The following PDXDC1 variants were observed in gnomAD, a reference collection of about 807,000 sequenced individuals.
PDXDC1 encodes pyridoxal dependent decarboxylase domain containing 1.
PDXDC1 carries 42 observed loss-of-function variants against 100.1 expected under a neutral mutation model. The ratio of observed to expected loss-of-function variants is 0.42; its 90% CI spans 0.33 to 0.54. The LOEUF (loss-of-function observed/expected upper bound fraction) is 0.54, where lower values mean the gene tolerates loss of function less well. Among genes scored for constraint, PDXDC1 ranks in the 20% least tolerant of loss-of-function variants. The pLI is 0.10. For missense variants in PDXDC1, 636 were observed against 979.2 expected, an observed-to-expected ratio of 0.65 and a Z score of 4.68; for synonymous variants, 260 against 371.7, an observed-to-expected ratio of 0.70 and a Z score of 3.46.
At chr16:15,018,451 G>A (rs533830836) in intron 11 of PDXDC1, among the ~76,000 whole-genome samples, 3 of 152,388 alleles carry the variant, frequency 2.0e-5, no homozygotes, top group East Asian at 1.9e-4. Context: ...TGATAATATA[G>A]GTCAGCGTGC....
chr16:14,986,730 T>C (rs1291462371), intron 1 of PDXDC1, among the ~76,000 whole-genome samples: 2 of 152,298 alleles, frequency 1.3e-5, no homozygotes, highest in African/African-American at 4.8e-5. Context: ...TGTAAATGCT[T>C]TGTTGCACTT....
At chr16:15,023,933 A>C (rs1174399498) in intron 13 of PDXDC1, among the ~76,000 whole-genome samples, 2 of 152,288 alleles carry the variant, frequency 1.3e-5, no homozygotes, top group Non-Finnish European at 2.9e-5. Flanking sequence ...CTCTGATTGC[A>C]AACAGAGAAG....
intron 12 of PDXDC1, among the ~76,000 whole-genome samples, 171 bp downstream of exon 12, chr16:15,019,136 A>G (rs1184986952): frequency 6.6e-6 from 1 of 152,280 alleles, no homozygotes; most frequent in Non-Finnish European, 1.5e-5. Context: ...GTTCTGGGAG[A>G]AAGTGCTGGG....
intron 1 of PDXDC1, among the ~76,000 whole-genome samples, chr16:14,979,047 AT>A (rs1967351687): frequency 6.6e-6 from 1 of 152,300 alleles, no homozygotes; most frequent in South Asian, 2.1e-4. Flanking sequence ...ATTGCCTGTC[AT>A]TGAAAGTCCC....
chr16:15,111,065 T>C (rs1357747595), intron 16 of PDXDC1, among the ~76,000 whole-genome samples: 2 of 145,360 alleles, frequency 1.4e-5, no homozygotes, highest in Non-Finnish European at 3.0e-5. Flanking sequence ...GAGGCGGAGG[T>C]TGCAGTGAGC....
intron 16 of PDXDC1, among the ~76,000 whole-genome samples, chr16:15,114,968 C>G (rs1023952124): frequency 7.0e-6 from 1 of 142,206 alleles, no homozygotes; most frequent in African/African-American, 2.6e-5. Context: ...TTCTGCTCCA[C>G]TCAGTCGCCC....
chr16:15,003,207 G>T lies in PDXDC1; in HGVS notation c.243-980G>T, dbSNP rs1402147852. 2.0e-5 allele frequency among the ~76,000 whole-genome samples: 3 copies of T among 149,754 alleles called. No individual in the cohort carries two copies. In the South Asian group the frequency reaches 6.4e-4, roughly 32 times the overall value. ...ATTCTTATTTGATGCATAGACCTGAGATTTAATTCTTTTTTTTTTTTTTTT... is the reference window on the plus strand; with the variant it reads ...ATTCTTATTTGATGCATAGACCTGATATTTAATTCTTTTTTTTTTTTTTTT... On this transcript the variant is annotated intron_variant, in intron 4 of 22. Transcript: ENST00000396410.
intron 13 of PDXDC1, among the ~76,000 whole-genome samples, chr16:15,024,894 T>C (rs2042473298): frequency 6.6e-6 from 1 of 152,312 alleles, no homozygotes; most frequent in Non-Finnish European, 1.5e-5. Context: ...TGTTTGTTTT[T>C]TCCTATAGAA....
intron 8 of PDXDC1, among the ~76,000 whole-genome samples, chr16:15,013,539 A>G (rs2041520513): frequency 6.6e-6 from 1 of 152,356 alleles, no homozygotes; most frequent in East Asian, 1.9e-4. Context: ...GTCAAAACTC[A>G]TTGGACCGTA....
chr16:14,990,682 C>T (rs895312639), intron 1 of PDXDC1, among the ~76,000 whole-genome samples: 1 of 152,282 alleles, frequency 6.6e-6, no homozygotes, highest in African/African-American at 2.4e-5. Flanking sequence ...ATCAGTGCTG[C>T]TTTTCCTACC....
At chr16:14,999,942 G>A (rs956535815) in intron 3 of PDXDC1, among the ~76,000 whole-genome samples, 1 of 152,208 alleles carries the variant, frequency 6.6e-6, no homozygotes, top group African/African-American at 2.4e-5. Flanking sequence ...AATATAAATT[G>A]AACCAGGTTG....
chr16:15,055,030 T>C (rs1429191662), intron 16 of PDXDC1, among the ~76,000 whole-genome samples: 2 of 152,140 alleles, frequency 1.3e-5, no homozygotes, highest in African/African-American at 2.4e-5. Flanking sequence ...TTCTCCCTTC[T>C]AGACTATAAA....
chr16:15,019,436 T>C (rs2042016920), intron 12 of PDXDC1, among the ~76,000 whole-genome samples: 1 of 152,298 alleles, frequency 6.6e-6, no homozygotes, highest in South Asian at 2.1e-4. Context: ...TTAGGTGTGT[T>C]CTAATTGTGA....
In PDXDC1 at chr16:15,133,584, C is replaced by T. The variant is rs1176499868; in HGVS notation, c.1400-5295C>T. 2.0e-5 allele frequency: 22 copies of T among 1,103,066 alleles called. No homozygotes were observed. In the Middle Eastern group the frequency reaches 8.5e-4, roughly 43 times the overall value. The allele number at this position is 1,103,066 out of a possible 1,614,324, so 68.3% of individuals were successfully genotyped here. ...GGCCTGAAACCCGGGGGCAGCACGG[C>T]TCCGTAGCCGGAGAGGCTGCCCTTG... On this transcript the variant is annotated intron_variant, in intron 16 of 16. Coordinates refer to the PDXDC1 transcript ENST00000535621.
the PDXDC1 span, among the ~76,000 whole-genome samples, chr16:15,145,851 C>A: frequency 6.2e-4 from 94 of 152,250 alleles, no homozygotes; most frequent in Middle Eastern, 3.2e-3. Flanking sequence ...GCCCAGACGG[C>A]AGCGGGCTGT....
intron 16 of PDXDC1, chr16:15,061,930 G>A (rs373928366): frequency 2.8e-5 from 44 of 1,596,942 alleles, no homozygotes; most frequent in Non-Finnish European, 3.5e-5. Flanking sequence ...GAAATCATCA[G>A]TAACATCACC....
At chr16:15,136,086 C>G in intron 16 of PDXDC1, 2 of 1,582,700 alleles carry the variant, frequency 1.3e-6, no homozygotes, top group Non-Finnish European at 1.7e-6. Flanking sequence ...CTGGGCCCAC[C>G]TCCACCCGCT....
At chr16:15,132,581 GA>G (rs1173276347) in intron 16 of PDXDC1, 1 of 694,496 alleles carries the variant, frequency 1.4e-6, no homozygotes, top group Non-Finnish European at 2.5e-6. Flanking sequence ...AAGCAGGTCA[GA>G]GACCGAGGAA....
upstream of PDXDC1, chr16:14,974,964 T>C: frequency 6.5e-7 from 1 of 1,535,108 alleles, no homozygotes; most frequent in Non-Finnish European, 8.7e-7. Context: ...AGGGCCGGCG[T>C]GGCGCCCAGG....
Sources: gnomAD v4.1 joint callset for allele counts (sites outside exome capture counted in the v4.1 genomes callset) on GRCh38, gnomAD v4.1.1 for gene constraint, MANE v1.5 for transcripts, NCBI Gene and HGNC (gene_info 2026-07-23, HGNC 2026-07-21) for gene names.